CPNE5: variants seen among roughly 807,000 people sequenced by gnomAD.
CPNE5 encodes the protein copine 5.
CPNE5 carries 42 observed loss-of-function variants against 81.1 expected under a neutral mutation model. The observed-to-expected ratio is 0.52, with a 90% CI of 0.40 to 0.67. CPNE5 has a LOEUF of 0.67. Ranked by LOEUF, CPNE5 falls within the 30% of genes least tolerant of loss-of-function variation. The probability of loss-of-function intolerance (pLI) is 0.00; values close to 1 mark genes in which losing one functional copy is unlikely to be tolerated. For missense variants in CPNE5, 612 were observed against 815.5 expected (o/e 0.75, Z 3.04); for synonymous variants, 313 against 321.5 (o/e 0.97, Z 0.28).
At chr6:36,768,521 C>A (rs183138892) in intron 10 of CPNE5, among the ~76,000 whole-genome samples, 1 of 152,130 alleles carries the variant, frequency 6.6e-6, no homozygotes, top group Admixed American at 6.5e-5. Context: ...CGTGAACCAG[C>A]GTGCCCAGCC....
intron 2 of CPNE5, 87 bp downstream of exon 2, chr6:36,822,971 G>T: frequency 8.7e-7 from 1 of 1,152,004 alleles, no homozygotes; most frequent in Non-Finnish European, 1.2e-6. Context: ...CATGGTTAGT[G>T]CTCAGTAAGG....
At chr6:36,756,093 G>GCCCCCCCCCCCCCCCC in intron 13 of CPNE5, 152 bp downstream of exon 13, 2 of 595,830 alleles carry the variant, frequency 3.4e-6, no homozygotes, top group Non-Finnish European at 5.9e-6. Flanking sequence ...TGCTCCATCT[G>GCCCCCCCCCCCCCCCC]CCCCACCCCT....
chr6:36,757,042 C>T (rs966599543), intron 12 of CPNE5, among the ~76,000 whole-genome samples: 2 of 152,136 alleles, frequency 1.3e-5, no homozygotes, highest in African/African-American at 4.8e-5. Context: ...TCCTACAGTA[C>T]ACAAGACAGC....
chr6:36,777,692 G>A (rs1767632964), intron 9 of CPNE5, among the ~76,000 whole-genome samples: 1 of 151,288 alleles, frequency 6.6e-6, no homozygotes, highest in African/African-American at 2.4e-5. Context: ...CAGGAAAACT[G>A]ATTTTTAAAT....
intron 1 of CPNE5, among the ~76,000 whole-genome samples, chr6:36,835,788 A>C (rs887324643): frequency 6.6e-6 from 1 of 151,216 alleles, no homozygotes; most frequent in Non-Finnish European, 1.5e-5. Context: ...TGGGCAACAG[A>C]GCAAAAACTC....
intron 8 of CPNE5, 112 bp downstream of exon 8, chr6:36,791,921 G>T: frequency 2.2e-6 from 2 of 898,242 alleles, no homozygotes; most frequent in Non-Finnish European, 3.7e-6. Flanking sequence ...AGCCAGGTCA[G>T]CATCAGGAGC....
At chr6:36,772,139 G>A (rs772350083) in intron 10 of CPNE5, among the ~76,000 whole-genome samples, 9 of 152,146 alleles carry the variant, frequency 5.9e-5, no homozygotes. Context: ...AGAGATACAG[G>A]GTTGTGAGGG....
intron 1 of CPNE5, among the ~76,000 whole-genome samples, chr6:36,832,070 C>T (rs1186513846): frequency 1.3e-5 from 2 of 152,214 alleles, no homozygotes; most frequent in African/African-American, 4.8e-5. Flanking sequence ...TCACACTAAG[C>T]CTTTTTATTC....
intron 1 of CPNE5, among the ~76,000 whole-genome samples, chr6:36,836,587 C>A (rs1314623808): frequency 6.6e-6 from 1 of 152,202 alleles, no homozygotes; most frequent in Non-Finnish European, 1.5e-5. Flanking sequence ...CACTCAGATG[C>A]CCAGGGCAGA....
At chr6:36,800,810 G>A (rs1770039028) in intron 3 of CPNE5, among the ~76,000 whole-genome samples, 1 of 152,224 alleles carries the variant, frequency 6.6e-6, no homozygotes, top group African/African-American at 2.4e-5. Flanking sequence ...GCCATGTTGT[G>A]AGCTGCCTTA....
chr6:36,822,214 G>T, intron 2 of CPNE5, 54 bp from the exon 3 acceptor site: 2 of 1,400,456 alleles, frequency 1.4e-6, no homozygotes, highest in Non-Finnish European at 1.9e-6. Context: ...AGGAAGGAGG[G>T]GTCCCAGATG....
chr6:36,759,916 T>C (rs936717208), intron 12 of CPNE5, among the ~76,000 whole-genome samples: 8 of 151,926 alleles, frequency 5.3e-5, no homozygotes, highest in African/African-American at 1.5e-4. Context: ...TGTTTTTATT[T>C]ACATGCACAG....
chr6:36,765,903 G>A (rs562939681), intron 10 of CPNE5, among the ~76,000 whole-genome samples: 1 of 152,218 alleles, frequency 6.6e-6, no homozygotes, highest in Non-Finnish European at 1.5e-5. Context: ...CCATCCCCAC[G>A]ACTGGCTCCT....
chr6:36,822,940 C>T (rs1772183683), intron 2 of CPNE5, 118 bp downstream of exon 2: 2 of 800,358 alleles, frequency 2.5e-6, no homozygotes, highest in East Asian at 5.9e-5. Flanking sequence ...AGGCTTGACA[C>T]ACTTTGAACG....
In CPNE5 at chr6:36,743,115, G is replaced by A. The variant is rs545192995; in HGVS notation, c.1563+574C>T. ...GGGCCCCAATTTTTAAACCAAGGGG[G>A]TATGCAGGATGTCAGCTTTGTCTTC... is the stretch of plus-strand genomic sequence containing the variant. On this transcript the variant is annotated intron_variant, in intron 20 of 20. Transcript: ENST00000244751. 1.8e-3 allele frequency: 1,756 copies of A among 985,422 alleles called. 2 individuals are homozygous for A. Among genetic ancestry groups the A allele is most frequent in the Non-Finnish European group, 1.9e-3 (1,615 of 829,932 alleles). 61.0% of individuals were successfully genotyped at this position (985,422 alleles called of 1,614,324 possible). A position where few individuals can be genotyped will look rare whatever the true frequency, so the allele number is the denominator to read the frequency against.
Position 36,839,274 on chromosome 6 carries a change from G to A in CPNE5, c.95+9C>T. 3.9e-6 allele frequency: 6 copies of A among 1,529,558 alleles called. No individual in the cohort carries two copies. Among genetic ancestry groups the A allele is most frequent in the Non-Finnish European group, 5.3e-6 (6 of 1,133,410 alleles). The allele number at this position is 1,529,558 out of a possible 1,614,324, so 94.7% of individuals were successfully genotyped here. A position where few individuals can be genotyped will look rare whatever the true frequency, so the allele number is the denominator to read the frequency against. On this transcript the variant is annotated intron_variant, in intron 1 of 20. Coordinates refer to ENST00000244751, the MANE Select transcript of CPNE5 (RefSeq NM_020939.2). The surrounding 1 kb of genome is among the most constrained non-coding windows in gnomAD (Gnocchi z 7.3). ...CGGGGCAAGGGGACCCGGCCAGCGG[G>A]AGGCTCACCTGCAGGACACGGTGAT...
intron 3 of CPNE5, among the ~76,000 whole-genome samples, chr6:36,818,784 A>C (rs1771787656): frequency 6.6e-6 from 1 of 152,180 alleles, no homozygotes; most frequent in South Asian, 2.1e-4. Context: ...TGTAGTAACA[A>C]GATGTGACTT....
intron 3 of CPNE5, among the ~76,000 whole-genome samples, chr6:36,809,868 C>T (rs576205970): frequency 2.2e-4 from 34 of 151,648 alleles, no homozygotes; most frequent in African/African-American, 7.0e-4. Flanking sequence ...CCCTTCCACC[C>T]GATCCTCCTC....
At chr6:36,792,124 A>G in intron 7 of CPNE5, 28 bp from the exon 8 acceptor site, 1 of 1,602,098 alleles carries the variant, frequency 6.2e-7, no homozygotes, top group Non-Finnish European at 8.6e-7. Context: ...GAAAGAATGG[A>G]AAGCCAGACA....
Sources: gnomAD v4.1 joint callset for allele counts (sites outside exome capture counted in the v4.1 genomes callset) on GRCh38, gnomAD v4.1.1 for gene constraint, Gnocchi (gnomAD v3.1) non-coding constraint, MANE v1.5 for transcripts, NCBI Gene and HGNC (gene_info 2026-07-23, HGNC 2026-07-21) for gene names.